Variants in GALNTL6 observed in about 807,000 individuals in gnomAD.
GALNTL6 encodes polypeptide N-acetylgalactosaminyltransferase like 6, also known as polypeptide N-acetylgalactosaminyltransferase-like 6.
In GALNTL6, 46 loss-of-function variants were observed where a neutral mutation model predicts 73.7. The ratio of observed to expected loss-of-function variants is 0.62; its 90% CI spans 0.49 to 0.80. GALNTL6 has a LOEUF of 0.80. Ranked by LOEUF, GALNTL6 falls within the 30% of genes least tolerant of loss-of-function variation. GALNTL6 has a pLI of 0.00. For missense variants in GALNTL6, 604 were observed against 755.0 expected (o/e 0.80, Z 2.34); for synonymous variants, 259 against 263.7 (o/e 0.98, Z 0.17).
intron 5 of GALNTL6, among the ~76,000 whole-genome samples, chr4:172,458,299 C>G (rs1273196629): frequency 6.6e-6 from 1 of 151,404 alleles, no homozygotes; most frequent in Admixed American, 6.6e-5. Flanking sequence ...TTCAACATCA[C>G]AATTAAAACT....
chr4:171,901,332 G>A (rs889791871), intron 2 of GALNTL6, among the ~76,000 whole-genome samples: 1 of 152,134 alleles, frequency 6.6e-6, no homozygotes, highest in Non-Finnish European at 1.5e-5. Flanking sequence ...CTGGGCATTA[G>A]AAGCCCCCAC....
chr4:172,607,875 G>C (rs1033472420), intron 5 of GALNTL6, among the ~76,000 whole-genome samples: 11 of 151,900 alleles, frequency 7.2e-5, no homozygotes, highest in African/African-American at 2.7e-4. Flanking sequence ...TCATATGCTT[G>C]TTGGCCACAT....
chr4:172,365,357 G>A (rs115789102), intron 5 of GALNTL6, among the ~76,000 whole-genome samples: 1,762 of 152,126 alleles, frequency 0.012, 33 homozygotes, highest in African/African-American at 0.039. Flanking sequence ...GTTTCTGGTC[G>A]GAGATGTCAT....
intron 3 of GALNTL6, among the ~76,000 whole-genome samples, chr4:172,302,128 A>AGCAATGAGTGAGGCTCTGTGGGCGT (rs1739954170): frequency 2.0e-5 from 3 of 152,140 alleles, no homozygotes; most frequent in African/African-American, 7.2e-5. Flanking sequence ...CTGCTGTGCT[A>AGCAATGAGTGAGGCTCTGTGGGCGT]GCAATGAGTG....
At chr4:172,405,402 G>GAGATAT (rs1744173762) in intron 5 of GALNTL6, among the ~76,000 whole-genome samples, 3 of 57,970 alleles carry the variant, frequency 5.2e-5, no homozygotes, top group Non-Finnish European at 9.5e-5. Context: ...ACTTATACTT[G>GAGATAT]ATATATATAT....
intron 12 of GALNTL6, among the ~76,000 whole-genome samples, chr4:173,034,383 C>T (rs1753598453): frequency 6.6e-6 from 1 of 152,122 alleles, no homozygotes; most frequent in African/African-American, 2.4e-5. Flanking sequence ...AGCACTGTAC[C>T]ACCATCTCAT....
At chr4:172,252,558 G>A (rs942907528) in intron 3 of GALNTL6, among the ~76,000 whole-genome samples, 5 of 152,004 alleles carry the variant, frequency 3.3e-5, no homozygotes, top group Non-Finnish European at 5.9e-5. Context: ...GATAAAGAGA[G>A]GATGGGAAAA....
chr4:172,792,096 T>C (rs191080504), intron 5 of GALNTL6, among the ~76,000 whole-genome samples: 6 of 152,298 alleles, frequency 3.9e-5, no homozygotes, highest in Admixed American at 3.3e-4. Flanking sequence ...TCAGAACCAT[T>C]TGAGACATTT....
At chr4:172,833,171 G>A (rs770951975) in intron 7 of GALNTL6, among the ~76,000 whole-genome samples, 6 of 152,174 alleles carry the variant, frequency 3.9e-5, no homozygotes, top group Admixed American at 6.5e-5. Flanking sequence ...GCACCTGGCC[G>A]CAAGACCAGA....
At chr4:172,228,025 A>T (rs13124036) in intron 2 of GALNTL6, among the ~76,000 whole-genome samples, 60,363 of 151,990 alleles carry the variant, frequency 0.4, 12,172 homozygotes, top group African/African-American at 0.42. Flanking sequence ...TCACTGTAAG[A>T]GCATGGCTGA....
At chr4:172,473,043 G>A (rs556015373) in intron 5 of GALNTL6, among the ~76,000 whole-genome samples, 2 of 152,180 alleles carry the variant, frequency 1.3e-5, no homozygotes, top group Admixed American at 6.5e-5. Context: ...CCAAAGACAT[G>A]GAATTAAGCA....
At chr4:172,314,686 C>T (rs1268806194) in intron 4 of GALNTL6, among the ~76,000 whole-genome samples, 1 of 141,486 alleles carries the variant, frequency 7.1e-6, no homozygotes, top group Non-Finnish European at 1.5e-5. Flanking sequence ...TGGCTCACTG[C>T]AACCTCCGCC....
intron 12 of GALNTL6, among the ~76,000 whole-genome samples, chr4:173,036,590 C>G (rs1268984170): frequency 1.3e-5 from 2 of 152,070 alleles, no homozygotes; most frequent in African/African-American, 4.8e-5. Flanking sequence ...TCAGGCAAAA[C>G]AAAACAAAAC....
intron 2 of GALNTL6, among the ~76,000 whole-genome samples, chr4:172,093,605 A>G (rs998697253): frequency 2.6e-5 from 4 of 152,168 alleles, no homozygotes; most frequent in African/African-American, 9.7e-5. Flanking sequence ...CTTCATCTGT[A>G]CTTACAGCCA....
chr4:172,957,810 GA>G (rs760133549), intron 10 of GALNTL6, among the ~76,000 whole-genome samples: 46 of 152,322 alleles, frequency 3.0e-4, no homozygotes, highest in East Asian at 1.9e-4. Flanking sequence ...AGAGGTAGTG[GA>G]GGGGGGCAGA....
chr4:172,525,352 A>G (rs1302162390), intron 5 of GALNTL6, among the ~76,000 whole-genome samples: 1 of 152,226 alleles, frequency 6.6e-6, no homozygotes, highest in African/African-American at 2.4e-5. Context: ...TAAAAGTGGT[A>G]TTCCTCTATG....
chr4:172,197,427 A>G (rs1352417395), intron 2 of GALNTL6, among the ~76,000 whole-genome samples: 1 of 152,176 alleles, frequency 6.6e-6, no homozygotes, highest in Non-Finnish European at 1.5e-5. Flanking sequence ...TCTTCACAGA[A>G]TTAGAAAAAC....
At chr4:172,686,906 T>C (rs971739812) in intron 5 of GALNTL6, among the ~76,000 whole-genome samples, 4 of 152,226 alleles carry the variant, frequency 2.6e-5, no homozygotes, top group Non-Finnish European at 5.9e-5. Context: ...ATTGTAATAA[T>C]ATAAAAATTC....
intron 5 of GALNTL6, among the ~76,000 whole-genome samples, chr4:172,741,845 T>C (rs998614396): frequency 2.6e-5 from 4 of 151,960 alleles, no homozygotes; most frequent in African/African-American, 9.7e-5. Context: ...CTTTGAGAAG[T>C]CACTGTATCC....
Sources: gnomAD v4.1 joint callset for allele counts (sites outside exome capture counted in the v4.1 genomes callset) on GRCh38, gnomAD v4.1.1 for gene constraint, MANE v1.5 for transcripts, NCBI Gene and HGNC (gene_info 2026-07-23, HGNC 2026-07-21) for gene names.